The following C8A variants were observed in gnomAD, a reference collection of about 807,000 sequenced individuals.
C8A encodes complement C8 alpha chain.
In C8A, 67 loss-of-function variants were observed where a neutral mutation model predicts 65.3. That is an observed-to-expected ratio of 1.03 (90% CI 0.84 to 1.26). The LOEUF is 1.26. C8A is among the 50% of genes most tolerant of loss of function. The pLI, the probability that C8A is intolerant of heterozygous loss-of-function variation, is 0.00. For missense variants in C8A, 781 were observed against 723.9 expected (o/e 1.08, Z -0.90); for synonymous variants, 290 against 259.4 (o/e 1.12, Z -1.13).
At chr1:56,897,601 C>T (rs1481322035) in intron 7 of C8A, among the ~76,000 whole-genome samples, 1 of 152,158 alleles carries the variant, frequency 6.6e-6, no homozygotes, top group Non-Finnish European at 1.5e-5. Flanking sequence ...ATGATTAAGC[C>T]ATGTGAGGAG....
chr1:56,876,210 G>A lies in C8A; in HGVS notation c.464+1G>A, dbSNP rs1162262153. 2.5e-6 allele frequency: 4 copies of A among 1,613,690 alleles called. No individual in the cohort carries two copies. The African/African-American group carries it at 5.3e-5, about 22-fold the overall frequency. ...CAGGATCACAGAAGGCAGCCTTGGGGTGAGGCCCTGCCTACTAGCTATTTA... is the reference window on the plus strand; with the variant it reads ...CAGGATCACAGAAGGCAGCCTTGGGATGAGGCCCTGCCTACTAGCTATTTA... On this transcript the variant is annotated splice_donor_variant, in intron 4 of 10. Transcript: ENST00000361249. LOFTEE classifies it high-confidence loss of function.
intron 7 of C8A, among the ~76,000 whole-genome samples, chr1:56,887,745 A>G (rs1195465747): frequency 6.6e-6 from 1 of 152,188 alleles, no homozygotes; most frequent in Non-Finnish European, 1.5e-5. Context: ...AATGTCCCTC[A>G]ATAATAGACT....
intron 7 of C8A, among the ~76,000 whole-genome samples, chr1:56,902,190 C>G (rs980234721): frequency 6.6e-6 from 1 of 152,136 alleles, no homozygotes; most frequent in Admixed American, 6.5e-5. Context: ...AACACCTCAT[C>G]TCTGCTTGAC....
In C8A at chr1:56,876,217, C is replaced by T. The variant is rs1644197804; in HGVS notation, c.464+8C>T. The T allele has an allele frequency of 1.2e-6, 2 of 1,613,530 alleles. No individual in the cohort carries two copies. Among genetic ancestry groups the T allele is most frequent in the African/African-American group, 1.3e-5 (1 of 74,862 alleles). On this transcript the variant is annotated splice_region_variant and intron_variant, in intron 4 of 10. Transcript: ENST00000361249. Reference sequence around the variant, plus strand: ...ACAGAAGGCAGCCTTGGGGTGAGGCCCTGCCTACTAGCTATTTAGGAGCAG... The same window carrying T: ...ACAGAAGGCAGCCTTGGGGTGAGGCTCTGCCTACTAGCTATTTAGGAGCAG...
chr1:56,917,043 C>T (rs1196966848), intron 10 of C8A, among the ~76,000 whole-genome samples: 2 of 150,346 alleles, frequency 1.3e-5, no homozygotes, highest in Admixed American at 1.3e-4. Flanking sequence ...CCTCCATTGA[C>T]TCTGTGTCAT....
At chr1:56,874,299 C>T (rs74075631) in intron 2 of C8A, among the ~76,000 whole-genome samples, 2 of 152,108 alleles carry the variant, frequency 1.3e-5, no homozygotes, top group Non-Finnish European at 2.9e-5. Flanking sequence ...TGGTTCATAC[C>T]CACACATCCC....
At chr1:56,855,610 T>C (rs1254250253) in intron 1 of C8A, among the ~76,000 whole-genome samples, 4 of 148,700 alleles carry the variant, frequency 2.7e-5, no homozygotes, top group African/African-American at 7.5e-5. Flanking sequence ...TTCTATTTTC[T>C]TGAGATTTCC....
chr1:56,876,013 C>A, intron 3 of C8A, 49 bp from the exon 4 acceptor site: 1 of 1,600,590 alleles, frequency 6.2e-7, no homozygotes, highest in Non-Finnish European at 8.5e-7. Context: ...GGGTGTGAGT[C>A]TGGAGGGAGA....
intron 2 of C8A, 47 bp downstream of exon 2, chr1:56,867,749 G>A (rs1051852004): frequency 7.4e-7 from 1 of 1,345,812 alleles, no homozygotes; most frequent in African/African-American, 1.4e-5. Flanking sequence ...TTTGATATGT[G>A]TATTAGGCAT....
In C8A at chr1:56,885,873, TA is replaced by T. The variant is rs1644295394; in HGVS notation, c.856-50del. On this transcript the variant is annotated intron_variant, in intron 6 of 10. Transcript: ENST00000361249. Reference sequence around the variant, plus strand: ...AGACCTTTTGCATTATTTCTAATGGTAAAATATATGCTCTCTTTGTTCTTTT... The same window carrying T: ...AGACCTTTTGCATTATTTCTAATGGTAAATATATGCTCTCTTTGTTCTTTT... 5 of 1,612,170 alleles carry T rather than the reference TA, an allele frequency of 3.1e-6. No homozygotes were observed. The African/African-American group carries it at 6.7e-5, about 22-fold the overall frequency.
chr1:56,905,906 T>C (rs896371783), intron 7 of C8A, among the ~76,000 whole-genome samples: 2 of 152,232 alleles, frequency 1.3e-5, no homozygotes, highest in African/African-American at 4.8e-5. Flanking sequence ...TTTATTTACA[T>C]AGCAATGTGG....
At chr1:56,862,199 A>G (rs1644040937) in intron 1 of C8A, among the ~76,000 whole-genome samples, 1 of 152,334 alleles carries the variant, frequency 6.6e-6, no homozygotes, top group Non-Finnish European at 1.5e-5. Context: ...CTCACCCCAT[A>G]TTCAAAATAG....
chr1:56,896,872 G>A (rs1049743745), intron 7 of C8A, among the ~76,000 whole-genome samples: 5 of 152,248 alleles, frequency 3.3e-5, no homozygotes, highest in East Asian at 1.9e-4. Flanking sequence ...CAGGTGGCAC[G>A]CTGAGCCCTT....
intron 7 of C8A, among the ~76,000 whole-genome samples, chr1:56,891,794 A>T (rs559074172): frequency 6.6e-6 from 1 of 152,220 alleles, no homozygotes; most frequent in Non-Finnish European, 1.5e-5. Context: ...GCTTCATGGT[A>T]AAGACATCCC....
At chr1:56,908,892 A>G (rs1329029352) in intron 9 of C8A, among the ~76,000 whole-genome samples, 1 of 152,222 alleles carries the variant, frequency 6.6e-6, no homozygotes, top group Non-Finnish European at 1.5e-5. Context: ...TACTAGGGGC[A>G]GTTTTCCTCC....
intron 7 of C8A, among the ~76,000 whole-genome samples, chr1:56,897,726 A>G (rs1405091011): frequency 6.6e-6 from 1 of 152,160 alleles, no homozygotes; most frequent in Non-Finnish European, 1.5e-5. Flanking sequence ...TGAGTAGAGC[A>G]TTTACCCTTG....
At chr1:56,903,148 G>T (rs1644438653) in intron 7 of C8A, among the ~76,000 whole-genome samples, 1 of 152,174 alleles carries the variant, frequency 6.6e-6, no homozygotes, top group African/African-American at 2.4e-5. Context: ...TATGCTTGGT[G>T]ATATGGTTTG....
intron 4 of C8A, among the ~76,000 whole-genome samples, chr1:56,880,926 G>T (rs530644106): frequency 1.3e-5 from 2 of 152,278 alleles, no homozygotes; most frequent in Non-Finnish European, 2.9e-5. Context: ...TGGGAAATGG[G>T]CCCAGACTGT....
rs116129675 is a variant in C8A at position 56,881,571 on chromosome 1, C to G, written c.591C>G (p.Leu197=). ...ELRYDSTCER[L]YYGDDEKYFR... is the part of the protein sequence containing the mutation. ...GATATGACTCCACCTGTGAACGTCT[C>G]TACTATGGAGATGATGAGAAATACT... The change falls in exon 5 of 11, where the codon CTC becomes CTG. Residue 197 remains leucine, a synonymous_variant. Transcript: ENST00000361249. The G allele has an allele frequency of 0.014, 22,258 of 1,613,790 alleles. 746 individuals carry two copies. The highest frequency in any genetic ancestry group is 0.11 in the South Asian group (10,292 of 91,080).
Sources: allele counts gnomAD v4.1 joint callset (sites outside exome capture counted in the v4.1 genomes callset), GRCh38; gene constraint gnomAD v4.1.1; transcripts MANE v1.5; gene names NCBI Gene and HGNC (gene_info 2026-07-23, HGNC 2026-07-21).